The following CCDC28B variants were observed in gnomAD, a reference collection of about 807,000 sequenced individuals.
CCDC28B encodes the protein coiled-coil domain-containing protein 28B.
A neutral mutation model predicts 18.7 loss-of-function variants in CCDC28B; 17 were observed. The observed-to-expected ratio is 0.91, with a 90% CI of 0.62 to 1.36. The LOEUF (loss-of-function observed/expected upper bound fraction) is 1.36, where lower values mean the gene tolerates loss of function less well. Among genes scored for constraint, CCDC28B ranks in the 40% most tolerant of loss-of-function variants. CCDC28B has a pLI of 0.00. For missense variants in CCDC28B, 213 were observed against 251.7 expected (o/e 0.85, Z 1.04); for synonymous variants, 116 against 105.1 (o/e 1.10, Z -0.64).
In CCDC28B at chr1:32,203,549, C is replaced by G. The variant is rs563973571; in HGVS notation, c.165-330C>G. ...ATAAGGGAGTAGCTGTCTCTATATA[C>G]GCTGAAGACTAGGGAGGATAAGTGA... On this transcript the variant is annotated intron_variant, in intron 2 of 5. Transcript: ENST00000373602. 5.9e-5 allele frequency among the ~76,000 whole-genome samples: 9 copies of G among 152,230 alleles called. No homozygotes were observed. In the South Asian group the frequency reaches 1.0e-3, roughly 18 times the overall value.
upstream of CCDC28B, among the ~76,000 whole-genome samples, chr1:32,199,051 T>G (rs1406753969): frequency 6.6e-6 from 1 of 152,172 alleles, no homozygotes; most frequent in Admixed American, 6.5e-5. Context: ...GAGCACATTC[T>G]CTGTTCAGTT....
chr1:32,199,100 C>G (rs1430686247), upstream of CCDC28B, among the ~76,000 whole-genome samples: 1 of 152,166 alleles, frequency 6.6e-6, no homozygotes, highest in Non-Finnish European at 1.5e-5. Context: ...CATGGGACTC[C>G]TATATGGGAG....
upstream of CCDC28B, among the ~76,000 whole-genome samples, chr1:32,199,185 G>A (rs1643092616): frequency 6.6e-6 from 1 of 152,202 alleles, no homozygotes; most frequent in Non-Finnish European, 1.5e-5. Flanking sequence ...AGGATGATAT[G>A]TGCTGAATGC....
Position 32,203,960 on chromosome 1 carries a change from G to A in CCDC28B, c.246G>A (p.Leu82=), listed in dbSNP as rs758268177. Residue 82 remains leucine (L), a synonymous_variant, in exon 3 of 6, where the codon CTG becomes CTA. Transcript: ENST00000373602. The part of the protein sequence containing the change: ...SAGTPLQHSF[L]TEVTDVYEME... Reference sequence around the variant, plus strand: ...GCACGCCCCTGCAGCACTCCTTCCTGACCGAGGTGACTGATGTCTATGAGA... The same window carrying A: ...GCACGCCCCTGCAGCACTCCTTCCTAACCGAGGTGACTGATGTCTATGAGA... 6.3e-7 allele frequency: 1 copy of A among 1,581,914 alleles called. No individual in the cohort carries two copies. The highest frequency in any genetic ancestry group is 8.6e-7 in the Non-Finnish European group (1 of 1,164,412).
chr1:32,202,957 A>T (rs1404889309), intron 2 of CCDC28B: 1 of 152,278 alleles, frequency 6.6e-6, no homozygotes, highest in Non-Finnish European at 1.5e-5. Context: ...AACATGGTGA[A>T]ACCTCATCTC....
At chr1:32,201,402 C>T (rs182108793) in intron 1 of CCDC28B, among the ~76,000 whole-genome samples, 57 of 152,282 alleles carry the variant, frequency 3.7e-4, no homozygotes, top group Admixed American at 2.6e-3. Context: ...CTGTATGCTG[C>T]GGCTTCTCCT....
chr1:32,200,592 T>G (rs1643126048), upstream of CCDC28B: 1 of 152,218 alleles, frequency 6.6e-6, no homozygotes, highest in Non-Finnish European at 1.5e-5. Flanking sequence ...TCACTTTCTC[T>G]TTAAATGCAA....
rs1235144379 is a variant in CCDC28B, at chr1:32,203,978, C to G, written c.264C>G (p.Val88=). ...CCTTCCTGACCGAGGTGACTGATGT[C>G]TATGAGATGGAGGGGGGACTCCTGA... ...QHSFLTEVTD[V]YEMEGGLLNL... Residue 88 remains valine (V), a synonymous_variant, in exon 3 of 6, where the codon GTC becomes GTG. Coordinates refer to ENST00000373602, the MANE Select transcript of CCDC28B (RefSeq NM_024296.5). The G allele has an allele frequency of 1.3e-6, 2 of 1,578,348 alleles. No homozygotes were observed. The highest frequency in any genetic ancestry group is 3.7e-5 in the Admixed American group (2 of 54,040).
intron 5 of CCDC28B, 87 bp downstream of exon 5, chr1:32,204,707 CA>C: frequency 6.2e-7 from 1 of 1,614,154 alleles, no homozygotes; most frequent in Non-Finnish European, 8.5e-7. Flanking sequence ...TATTCACACA[CA>C]ACCAACTTCC....
In CCDC28B at chr1:32,205,089, G is replaced by C; in HGVS notation, c.549-105G>C. On this transcript the variant is annotated intron_variant, in intron 5 of 5. Coordinates refer to ENST00000373602, the MANE Select transcript of CCDC28B (RefSeq NM_024296.5). This position sits in a 1 kb window ranked among gnomAD's most constrained non-coding sequence, Gnocchi z 5.6. ...AGTCCACAGACGGCCCGAGACCCTC[G>C]TCCCCGGCCCTTTGCACAGGTGAGG... 1 of 1,419,218 alleles carries C rather than the reference G, an allele frequency of 7.0e-7. No individual in the cohort carries two copies. The highest frequency in any genetic ancestry group is 9.6e-7 in the Non-Finnish European group (1 of 1,040,380). The allele number at this position is 1,419,218 out of a possible 1,614,324, so 87.9% of individuals were successfully genotyped here.
At chr1:32,198,413 T>C (rs1643071153), upstream of CCDC28B, 1 of 152,276 alleles carries the variant, frequency 6.6e-6, no homozygotes, top group East Asian at 1.9e-4. Context: ...TCTTACATAT[T>C]CCACAGTGTC....
chr1:32,199,413 C>T (rs1643099746), upstream of CCDC28B, among the ~76,000 whole-genome samples: 1 of 152,142 alleles, frequency 6.6e-6, no homozygotes, highest in African/African-American at 2.4e-5. Flanking sequence ...AGCAAAGCAG[C>T]TCTGAGAATA....
rs769261061 is a variant in CCDC28B, at chr1:32,204,184, A to G, written c.332-2A>G. On this transcript the variant is annotated splice_acceptor_variant, in intron 3 of 5. Coordinates refer to ENST00000373602, the MANE Select transcript of CCDC28B (RefSeq NM_024296.5). LOFTEE classifies it high-confidence loss of function. ...AGGGTTCAGACAGGGGCTTCGTTCC[A>G]GGGAAGGAATGCTCCTTTGAGCAGC... is the stretch of plus-strand genomic sequence containing the variant. The G allele has an allele frequency of 6.2e-7, 1 of 1,613,966 alleles. No homozygotes were observed. Among genetic ancestry groups the G allele is most frequent in the East Asian group, 2.2e-5 (1 of 44,876 alleles).
At chr1:32,196,583 T>G (rs1305168905), upstream of CCDC28B, 1 of 152,132 alleles carries the variant, frequency 6.6e-6, no homozygotes, top group African/African-American at 2.4e-5. Context: ...TGTAGAGCCA[T>G]TCTATATGCT....
At chr1:32,198,244 G>A (rs550122692), upstream of CCDC28B, 1 of 152,340 alleles carries the variant, frequency 6.6e-6, no homozygotes, top group East Asian at 1.9e-4. Flanking sequence ...ACTTGATTTT[G>A]ATGTATTTTA....
intron 1 of CCDC28B, among the ~76,000 whole-genome samples, chr1:32,201,093 C>T (rs910477650): frequency 6.6e-6 from 1 of 151,298 alleles, no homozygotes; most frequent in Non-Finnish European, 1.5e-5. Flanking sequence ...GGAATGAGAC[C>T]CCCAGAGGAG....
At chr1:32,198,035 A>G (rs1268252492), upstream of CCDC28B, 2 of 152,410 alleles carry the variant, frequency 1.3e-5, no homozygotes, top group East Asian at 3.8e-4. Flanking sequence ...CTGCTGCCCC[A>G]GCCTTTCCGC....
rs1643127783 is a variant in CCDC28B at position 32,200,666 on chromosome 1, AG to A, written c.-64del. On this transcript the variant is annotated 5_prime_UTR_variant, in exon 1 of 6. Coordinates refer to ENST00000373602, the MANE Select transcript of CCDC28B (RefSeq NM_024296.5). ...CCCGGGAGGAGAGGGCGGAGGGCGG[AG>A]GGAACTTGCACCGAAGCATCACTCG... is the stretch of plus-strand genomic sequence containing the variant. 6.6e-6 allele frequency: 1 copy of A among 152,240 alleles called. No individual in the cohort carries two copies. The highest frequency in any genetic ancestry group is 2.1e-4 in the South Asian group (1 of 4,816). The allele number at this position is 152,240 out of a possible 1,614,324, so 9.4% of individuals were successfully genotyped here. A position where few individuals can be genotyped will look rare whatever the true frequency, so the allele number is the denominator to read the frequency against.
At chr1:32,204,878 G>A (rs1303608905) in intron 5 of CCDC28B, 3 of 1,514,412 alleles carry the variant, frequency 2.0e-6, no homozygotes, top group Non-Finnish European at 2.7e-6. Context: ...TCATAGCAAA[G>A]CTTGTCCGAT....
Sources: allele counts gnomAD v4.1 joint callset (sites outside exome capture counted in the v4.1 genomes callset), GRCh38; gene constraint gnomAD v4.1.1; non-coding constraint Gnocchi (gnomAD v3.1); transcripts MANE v1.5; gene names NCBI Gene and HGNC (gene_info 2026-07-23, HGNC 2026-07-21).